DSCAM: variants seen among roughly 807,000 people sequenced by gnomAD.
DSCAM encodes cell adhesion molecule DSCAM.
A neutral mutation model predicts 217.7 loss-of-function variants in DSCAM; 47 were observed. The observed-to-expected ratio is 0.22, with a 90% confidence interval of 0.17 to 0.28. The LOEUF is 0.28. DSCAM is among the 10% of genes least tolerant of loss of function. DSCAM has a pLI of 1.00. For synonymous variants in DSCAM, 1,056 were observed against 1,015.3 expected, an observed-to-expected ratio of 1.04 and a Z score of -0.76; for missense variants, 2,080 against 2,618.3, an observed-to-expected ratio of 0.79 and a Z score of 4.49.
chr21:40,728,364 A>G (rs1459947213), intron 1 of DSCAM, among the ~76,000 whole-genome samples: 1 of 152,236 alleles, frequency 6.6e-6, no homozygotes, highest in Non-Finnish European at 1.5e-5. Context: ...ATTAAATATC[A>G]ATAAGTCTCA....
At chr21:40,393,039 G>A (rs2075148133) in intron 3 of DSCAM, among the ~76,000 whole-genome samples, 1 of 152,230 alleles carries the variant, frequency 6.6e-6, no homozygotes, top group South Asian at 2.1e-4. Flanking sequence ...GACATCAAGT[G>A]TAAGCCCATA....
At chr21:40,784,621 T>A (rs1260167482) in intron 1 of DSCAM, among the ~76,000 whole-genome samples, 1 of 152,200 alleles carries the variant, frequency 6.6e-6, no homozygotes, top group East Asian at 1.9e-4. Flanking sequence ...TAACCCCCAA[T>A]GTGATGTTAT....
chr21:40,100,130 T>G (rs1203972594), intron 20 of DSCAM, among the ~76,000 whole-genome samples: 1 of 152,202 alleles, frequency 6.6e-6, no homozygotes, highest in South Asian at 2.1e-4. Flanking sequence ...AACAGAGGGA[T>G]GCAGTGTAAA....
rs569143298 is a variant in DSCAM, at chr21:40,136,610, C to T, written c.3407-2601G>A. Among the ~76,000 whole-genome samples, 9 of 152,280 alleles carry T rather than the reference C, an allele frequency of 5.9e-5. No individual in the cohort carries two copies. The South Asian group carries it at 1.0e-3, about 18-fold the overall frequency. ...GTACCTCCCTACAGATATATACACA[C>T]GCAATCAATAAAAATACAGCTGAGG... On this transcript the variant is annotated intron_variant, in intron 18 of 32. Transcript: ENST00000400454.
At chr21:40,527,124 G>C (rs1392872432) in intron 3 of DSCAM, among the ~76,000 whole-genome samples, 1 of 152,086 alleles carries the variant, frequency 6.6e-6, no homozygotes, top group Non-Finnish European at 1.5e-5. Flanking sequence ...TCCTATTCCT[G>C]ATAGTGTCCC....
chr21:40,651,961 C>CT (rs2090019471), intron 3 of DSCAM, among the ~76,000 whole-genome samples: 1 of 152,164 alleles, frequency 6.6e-6, no homozygotes, highest in Non-Finnish European at 1.5e-5. Flanking sequence ...GCCCCCCCAC[C>CT]TTTTTCTCTG....
chr21:40,179,123 G>A (rs1568984605), intron 14 of DSCAM, 29 bp from the exon 15 acceptor site: 1 of 1,386,604 alleles, frequency 7.2e-7, no homozygotes, highest in Non-Finnish European at 9.6e-7. Context: ...CAAAAAAGAA[G>A]AGATAGAGAC....
chr21:40,062,927 A>C (rs754488941), intron 27 of DSCAM, 28 bp from the exon 28 acceptor site: 2 of 1,582,718 alleles, frequency 1.3e-6, no homozygotes, highest in Non-Finnish European at 1.7e-6. Flanking sequence ...ACATTAGTAC[A>C]TGGTAAATAA....
intron 9 of DSCAM, among the ~76,000 whole-genome samples, chr21:40,299,294 T>C (rs929313562): frequency 8.5e-5 from 13 of 152,208 alleles, no homozygotes; most frequent in Non-Finnish European, 1.8e-4. Flanking sequence ...CCTTTAAATT[T>C]TGACAGAAGA....
intron 1 of DSCAM, among the ~76,000 whole-genome samples, chr21:40,793,012 G>A (rs2091660173): frequency 6.6e-6 from 1 of 152,082 alleles, no homozygotes; most frequent in Non-Finnish European, 1.5e-5. Context: ...AGGTCCAAAA[G>A]GTAAAATACA....
rs114440249 is a variant in DSCAM at position 40,478,631 on chromosome 21, T to A, written c.509-109386A>T. ...TTTAATTTCAGGTGTTGAACTGAGA[T>A]TTTGAGCAAAGAACTATAAATCTAA... On this transcript the variant is annotated intron_variant, in intron 3 of 32. Transcript: ENST00000400454. Among the ~76,000 whole-genome samples, 752 of 152,286 alleles carry A rather than the reference T, an allele frequency of 4.9e-3. 9 individuals are homozygous for A. The highest frequency in any genetic ancestry group is 0.017 in the African/African-American group (711 of 41,568).
At chr21:40,341,095 T>C (rs190441173) in intron 6 of DSCAM, among the ~76,000 whole-genome samples, 10 of 152,364 alleles carry the variant, frequency 6.6e-5, no homozygotes, top group East Asian at 3.9e-4. Context: ...AAGTAGCATA[T>C]TGCAGTGTCC....
At chr21:40,199,209 C>T (rs955691017) in intron 11 of DSCAM, among the ~76,000 whole-genome samples, 18 of 152,142 alleles carry the variant, frequency 1.2e-4, no homozygotes, top group African/African-American at 3.1e-4. Context: ...CAATACATCA[C>T]GATTATCTTT....
chr21:40,133,905 C>A lies in DSCAM; in HGVS notation c.3511G>T (p.Ala1171Ser), dbSNP rs769477057. The A allele has an allele frequency of 6.2e-7, 1 of 1,613,692 alleles. No homozygotes were observed. Among genetic ancestry groups the A allele is most frequent in the Non-Finnish European group, 8.5e-7 (1 of 1,179,802 alleles). The change falls in exon 19 of 33, where the codon GCA (alanine) becomes TCA (serine). Residue 1171 changes from alanine (A) to serine (S), a missense_variant. This residue lies in a region of DSCAM where 1,144 missense variants were observed against 1,421.1 expected (regional missense o/e 0.81). Transcript: ENST00000400454. ...TGCTCACTCCTGACCCCGTCTCCTG[C>A]GCGGGTGAAGGCCAGCACCTGGATG... ...YSIQVLAFTR[A>S]GDGVRSEQIF...
intron 14 of DSCAM, among the ~76,000 whole-genome samples, chr21:40,185,618 C>T (rs989500607): frequency 6.6e-6 from 1 of 152,244 alleles, no homozygotes; most frequent in African/African-American, 2.4e-5. Context: ...ACGGTGCTCA[C>T]TGCATCTGTC....
At position 40,143,734 on chromosome 21, in the gene DSCAM, C is replaced by T. The variant is rs1326220439; in HGVS notation, c.3259+757G>A. On this transcript the variant is annotated intron_variant, in intron 17 of 32. Transcript: ENST00000400454. The stretch of plus-strand genomic sequence containing the variant: ...TGAACCCGGGAGGCGGAGCTTGCAG[C>T]GAGCCAAGATCGCGCCACTGCACTC... Among the ~76,000 whole-genome samples the T allele has an allele frequency of 2.0e-5, 3 of 152,016 alleles. 1 individual carries two copies. Among genetic ancestry groups the T allele is most frequent in the South Asian group, 4.1e-4 (2 of 4,822 alleles).
chr21:40,510,734 T>A (rs545308485), intron 3 of DSCAM, among the ~76,000 whole-genome samples: 35 of 152,334 alleles, frequency 2.3e-4, no homozygotes, highest in African/African-American at 7.9e-4. Context: ...TGCAAGACCA[T>A]CAGCCAGACT....
At chr21:40,771,747 CTTGTT>C (rs1351837243) in intron 1 of DSCAM, among the ~76,000 whole-genome samples, 3 of 152,188 alleles carry the variant, frequency 2.0e-5, no homozygotes, top group Non-Finnish European at 4.4e-5. Flanking sequence ...CTGAATCCAA[CTTGTT>C]TTATTTGTGA....
intron 20 of DSCAM, among the ~76,000 whole-genome samples, chr21:40,120,347 A>G (rs1201255888): frequency 6.6e-6 from 1 of 152,186 alleles, no homozygotes; most frequent in African/African-American, 2.4e-5. Context: ...AGCTCCGCAA[A>G]TGAGATTAGC....
Sources: allele counts gnomAD v4.1 joint callset (sites outside exome capture counted in the v4.1 genomes callset), GRCh38; gene constraint gnomAD v4.1.1; regional missense constraint gnomAD v4.1.1; transcripts MANE v1.5; gene names NCBI Gene and HGNC (gene_info 2026-07-23, HGNC 2026-07-21).